Variants in EGFLAM observed in about 807,000 individuals in gnomAD.
EGFLAM encodes pikachurin.
EGFLAM carries 79 observed loss-of-function variants against 113.1 expected under a neutral mutation model. That is an observed-to-expected ratio of 0.70 (90% CI 0.58 to 0.84). The LOEUF (loss-of-function observed/expected upper bound fraction) is 0.84, where lower values mean the gene tolerates loss of function less well. Ranked by LOEUF, EGFLAM falls within the 40% of genes least tolerant of loss-of-function variation. The probability of loss-of-function intolerance (pLI) is 0.00; values close to 1 mark genes in which losing one functional copy is unlikely to be tolerated. For missense variants in EGFLAM, 1,265 were observed against 1,291.6 expected, an observed-to-expected ratio of 0.98 and a Z score of 0.32; for synonymous variants, 504 against 487.6, an observed-to-expected ratio of 1.03 and a Z score of -0.44.
chr5:38,377,331 A>T (rs1028615223), intron 6 of EGFLAM, among the ~76,000 whole-genome samples: 47 of 151,922 alleles, frequency 3.1e-4, no homozygotes, highest in African/African-American at 1.1e-3. Flanking sequence ...TTTAGTAGAG[A>T]TGAGGTTTCA....
intron 6 of EGFLAM, among the ~76,000 whole-genome samples, chr5:38,372,795 A>T (rs1234788388): frequency 6.6e-6 from 1 of 152,208 alleles, no homozygotes; most frequent in African/African-American, 2.4e-5. Context: ...TGTTTCATGA[A>T]TACAAAAGCA....
intron 17 of EGFLAM, chr5:38,445,684 G>T: frequency 6.3e-7 from 1 of 1,598,444 alleles, no homozygotes; most frequent in Non-Finnish European, 8.5e-7. Flanking sequence ...GGCAGAGTGT[G>T]GGAACTACTG....
intron 6 of EGFLAM, among the ~76,000 whole-genome samples, chr5:38,379,624 G>A (rs2366978): frequency 0.12 from 17,597 of 151,928 alleles, 1,333 homozygotes; most frequent in African/African-American, 0.22. Context: ...GCTGCTCCCC[G>A]GGTGCCCTCA....
intron 1 of EGFLAM, among the ~76,000 whole-genome samples, chr5:38,290,164 G>T (rs1758280983): frequency 6.6e-6 from 1 of 152,136 alleles, no homozygotes; most frequent in South Asian, 2.1e-4. Context: ...GTAATGTGAT[G>T]AGTGAGTCAC....
intron 19 of EGFLAM, 43 bp from the exon 20 acceptor site, chr5:38,458,268 T>C: frequency 6.4e-7 from 1 of 1,574,290 alleles, no homozygotes; most frequent in Non-Finnish European, 8.7e-7. Flanking sequence ...TATGCCTCAG[T>C]GTTTTATTCT....
intron 4 of EGFLAM, among the ~76,000 whole-genome samples, chr5:38,351,660 G>A (rs1178293889): frequency 3.3e-5 from 5 of 152,160 alleles, no homozygotes; most frequent in Admixed American, 2.6e-4. Context: ...GGGATCATGG[G>A]TGACTCCTGC....
intron 6 of EGFLAM, among the ~76,000 whole-genome samples, 196 bp from the exon 7 acceptor site, chr5:38,405,930 C>T (rs956212843): frequency 1.3e-5 from 2 of 152,148 alleles, no homozygotes; most frequent in African/African-American, 4.8e-5. Flanking sequence ...GTTGGAAATT[C>T]CTTAGTAACT....
intron 1 of EGFLAM, among the ~76,000 whole-genome samples, chr5:38,323,309 T>A (rs1738788171): frequency 6.6e-6 from 1 of 152,206 alleles, no homozygotes; most frequent in Non-Finnish European, 1.5e-5. Context: ...CTATAAGAAA[T>A]TGACCTAATT....
At chr5:38,378,996 G>A (rs1740439329) in intron 6 of EGFLAM, among the ~76,000 whole-genome samples, 3 of 152,154 alleles carry the variant, frequency 2.0e-5, no homozygotes, top group Non-Finnish European at 4.4e-5. Flanking sequence ...GGCAGCCACT[G>A]GGGGTTCTGT....
chr5:38,450,040 T>C (rs920112570), intron 18 of EGFLAM, among the ~76,000 whole-genome samples: 4 of 152,192 alleles, frequency 2.6e-5, no homozygotes, highest in African/African-American at 4.8e-5. Flanking sequence ...ACTTTTTTTC[T>C]CATATGACTC....
chr5:38,440,138 C>A (rs1254697052), intron 17 of EGFLAM, among the ~76,000 whole-genome samples: 1 of 152,156 alleles, frequency 6.6e-6, no homozygotes, highest in Admixed American at 6.5e-5. Context: ...CTGGCAAGAT[C>A]TGTGGGAATG....
At chr5:38,406,504 A>G (rs1157694727) in intron 7 of EGFLAM, among the ~76,000 whole-genome samples, 2 of 152,216 alleles carry the variant, frequency 1.3e-5, no homozygotes, top group African/African-American at 2.4e-5. Context: ...TTTCCCACCA[A>G]GGGAAATTTC....
At chr5:38,323,639 C>A (rs770760289) in intron 1 of EGFLAM, among the ~76,000 whole-genome samples, 10 of 151,940 alleles carry the variant, frequency 6.6e-5, no homozygotes, top group Non-Finnish European at 8.8e-5. Context: ...ACATAAGTGG[C>A]CTACTACTTA....
intron 6 of EGFLAM, among the ~76,000 whole-genome samples, chr5:38,376,081 A>T (rs185346511): frequency 9.2e-5 from 14 of 152,284 alleles, no homozygotes; most frequent in African/African-American, 3.4e-4. Flanking sequence ...TGCAAGAAAG[A>T]AACACCAGCA....
At chr5:38,419,931 G>A (rs1193174866) in intron 12 of EGFLAM, among the ~76,000 whole-genome samples, 1 of 152,208 alleles carries the variant, frequency 6.6e-6, no homozygotes, top group Non-Finnish European at 1.5e-5. Flanking sequence ...GAAGACTGAG[G>A]CAGGAGAATT....
At chr5:38,410,429 C>T (rs1462201635) in intron 10 of EGFLAM, among the ~76,000 whole-genome samples, 6 of 152,200 alleles carry the variant, frequency 3.9e-5, no homozygotes, top group Admixed American at 3.9e-4. Flanking sequence ...ATCTGCTATC[C>T]TCTTCAGGGT....
intron 5 of EGFLAM, among the ~76,000 whole-genome samples, chr5:38,362,465 A>G (rs1378179496): frequency 6.6e-6 from 1 of 152,192 alleles, no homozygotes; most frequent in East Asian, 1.9e-4. Flanking sequence ...TTAAAGAATT[A>G]TTCTTAAACA....
At chr5:38,261,587 G>A (rs1003194210) in intron 1 of EGFLAM, among the ~76,000 whole-genome samples, 1 of 152,186 alleles carries the variant, frequency 6.6e-6, no homozygotes, top group Non-Finnish European at 1.5e-5. Flanking sequence ...GTTTGCAGAG[G>A]TGTGTAGCAT....
rs781049462 is a variant in EGFLAM at position 38,438,343 on chromosome 5, G to A, written c.2352G>A (p.Ala784=). The change falls in exon 17 of 22, where the codon GCG becomes GCA. Residue 784 remains alanine (A), a synonymous_variant. Transcript: ENST00000322350. ...DFTSGVNVEN[A]AHPCVRAPCA... ...CCTCCGGAGTGAATGTGGAGAATGC[G>A]GCCCACCCCTGTGTGAGAGCCCCTT... is the stretch of plus-strand genomic sequence containing the variant. 6 of 1,613,962 alleles carry A rather than the reference G, an allele frequency of 3.7e-6. No homozygotes were observed. In the Admixed American group the frequency reaches 5.0e-5, roughly 13 times the overall value.
Sources: gnomAD v4.1 joint callset for allele counts (sites outside exome capture counted in the v4.1 genomes callset) on GRCh38, gnomAD v4.1.1 for gene constraint, MANE v1.5 for transcripts, NCBI Gene and HGNC (gene_info 2026-07-23, HGNC 2026-07-21) for gene names.